PRKCB: variants seen among roughly 807,000 people sequenced by gnomAD.
The protein encoded by PRKCB is protein kinase C beta.
PRKCB carries 13 observed loss-of-function variants against 81.5 expected under a neutral mutation model. That is an observed-to-expected ratio of 0.16 (90% CI 0.10 to 0.25). PRKCB has a LOEUF of 0.25. Ranked by LOEUF, PRKCB falls within the 10% of genes least tolerant of loss-of-function variation. The pLI, the probability that PRKCB is intolerant of heterozygous loss-of-function variation, is 1.00. For synonymous variants in PRKCB, 335 were observed against 321.4 expected, an observed-to-expected ratio of 1.04 and a Z score of -0.45; for missense variants, 509 against 875.7, an observed-to-expected ratio of 0.58 and a Z score of 5.29.
chr16:24,049,504 A>G (rs990038968), intron 5 of PRKCB, among the ~76,000 whole-genome samples: 1 of 139,432 alleles, frequency 7.2e-6, no homozygotes, highest in East Asian at 2.1e-4. Flanking sequence ...GCCCTTAACT[A>G]TTACCCTGGC....
chr16:23,849,625 CATATA>C (rs1286779467), intron 2 of PRKCB, among the ~76,000 whole-genome samples: 19 of 152,022 alleles, frequency 1.2e-4, no homozygotes, highest in African/African-American at 4.3e-4. Context: ...ACAGGATTGA[CATATA>C]GAGTAGAGAA....
intron 13 of PRKCB, 30 bp from the exon 14 acceptor site, chr16:24,185,081 C>A: frequency 6.3e-7 from 1 of 1,591,606 alleles, no homozygotes; most frequent in Non-Finnish European, 8.6e-7. Flanking sequence ...AACTGCAAAC[C>A]TCCCTGATAG....
chr16:24,019,413 G>A (rs1965329894), intron 3 of PRKCB, among the ~76,000 whole-genome samples: 1 of 152,038 alleles, frequency 6.6e-6, no homozygotes, highest in Non-Finnish European at 1.5e-5. Flanking sequence ...ACACACAAAA[G>A]GTACCATGTA....
intron 2 of PRKCB, among the ~76,000 whole-genome samples, chr16:23,863,504 T>C (rs896668725): frequency 1.3e-5 from 2 of 152,114 alleles, no homozygotes; most frequent in Admixed American, 6.6e-5. Flanking sequence ...GTCACAGAGC[T>C]CTTAAGTGGC....
At chr16:23,838,975 G>A (rs922977485) in intron 2 of PRKCB, among the ~76,000 whole-genome samples, 5 of 152,156 alleles carry the variant, frequency 3.3e-5, no homozygotes, top group Non-Finnish European at 7.4e-5. Context: ...TGGTGTCTTG[G>A]CACCGGAATG....
intron 3 of PRKCB, among the ~76,000 whole-genome samples, chr16:24,001,948 C>T (rs1174030099): frequency 6.6e-6 from 1 of 152,174 alleles, no homozygotes; most frequent in Non-Finnish European, 1.5e-5. Flanking sequence ...GATACTTTTC[C>T]ATTTCTGCTT....
intron 3 of PRKCB, among the ~76,000 whole-genome samples, chr16:24,010,655 C>A (rs897184936): frequency 6.6e-6 from 1 of 152,126 alleles, no homozygotes; most frequent in African/African-American, 2.4e-5. Context: ...CTATAGCGCC[C>A]CCTGCTGTCC....
In PRKCB at chr16:24,101,369, G is replaced by A. The variant is rs773559176; in HGVS notation, c.821+7072G>A. On this transcript the variant is annotated intron_variant, in intron 7 of 16. Transcript: ENST00000643927. Reference sequence around the variant, plus strand: ...TAGAGACCAGCTTGGGCAACAATGAGATCCTGTCTCAACAAAAAATTTAGC... The same window carrying A: ...TAGAGACCAGCTTGGGCAACAATGAAATCCTGTCTCAACAAAAAATTTAGC... 2.4e-4 allele frequency among the ~76,000 whole-genome samples: 37 copies of A among 152,152 alleles called. 1 individual carries two copies. Among genetic ancestry groups the A allele is most frequent in the Non-Finnish European group, 4.9e-4 (33 of 68,030 alleles).
chr16:24,143,909 C>T (rs922351308), intron 9 of PRKCB, among the ~76,000 whole-genome samples: 2 of 152,182 alleles, frequency 1.3e-5, no homozygotes, highest in Non-Finnish European at 2.9e-5. Flanking sequence ...GCCTCCTCCT[C>T]CTCCTTTTCT....
At chr16:24,004,338 A>T (rs1302112304) in intron 3 of PRKCB, among the ~76,000 whole-genome samples, 1 of 152,134 alleles carries the variant, frequency 6.6e-6, no homozygotes, top group East Asian at 1.9e-4. Context: ...ATATATAAAA[A>T]TGAAACATGG....
At chr16:24,103,418 T>C (rs1433076296) in intron 7 of PRKCB, among the ~76,000 whole-genome samples, 1 of 152,214 alleles carries the variant, frequency 6.6e-6, no homozygotes, top group East Asian at 1.9e-4. Context: ...ACTTTTCTTT[T>C]TCCCTCCTGT....
intron 10 of PRKCB, among the ~76,000 whole-genome samples, 162 bp downstream of exon 10, chr16:24,155,019 C>T (rs74569287): frequency 0.016 from 2,503 of 152,326 alleles, 29 homozygotes; most frequent in Non-Finnish European, 0.026. Flanking sequence ...TCTGAGGTTG[C>T]TACTGAGAAA....
chr16:23,945,958 T>C (rs980979247), intron 2 of PRKCB, among the ~76,000 whole-genome samples: 1 of 152,192 alleles, frequency 6.6e-6, no homozygotes, highest in African/African-American at 2.4e-5. Context: ...CAACGACTAA[T>C]AGCAATAGAA....
intron 3 of PRKCB, among the ~76,000 whole-genome samples, chr16:24,019,173 C>CT (rs562397722): frequency 0.053 from 7,175 of 134,516 alleles, 259 homozygotes; most frequent in African/African-American, 0.11. Flanking sequence ...TTTTTTTTTT[C>CT]TTTTTTTTTT....
intron 5 of PRKCB, among the ~76,000 whole-genome samples, chr16:24,036,878 A>G (rs999829161): frequency 6.6e-6 from 1 of 152,132 alleles, no homozygotes; most frequent in Non-Finnish European, 1.5e-5. Flanking sequence ...TGTGGGAAAT[A>G]CACTCGTTCC....
At chr16:23,844,658 C>A (rs1962334507) in intron 2 of PRKCB, among the ~76,000 whole-genome samples, 1 of 152,022 alleles carries the variant, frequency 6.6e-6, no homozygotes, top group South Asian at 2.1e-4. Context: ...CAGGCGCCCA[C>A]CACCTCGCCC....
At chr16:24,060,845 C>G (rs955734265) in intron 5 of PRKCB, among the ~76,000 whole-genome samples, 3 of 152,224 alleles carry the variant, frequency 2.0e-5, no homozygotes, top group Non-Finnish European at 4.4e-5. Flanking sequence ...CTGCTTCCCC[C>G]ATTCCTTGCA....
chr16:24,152,491 G>A (rs1967095307), intron 9 of PRKCB, among the ~76,000 whole-genome samples: 1 of 152,158 alleles, frequency 6.6e-6, no homozygotes, highest in African/African-American at 2.4e-5. Flanking sequence ...GGGCTCTGGA[G>A]TTTCTCAGCT....
Position 24,220,017 on chromosome 16 carries a change from A to T in PRKCB, c.*5201A>T, listed in dbSNP as rs767852403. On this transcript the variant is annotated 3_prime_UTR_variant, in exon 17 of 17. Transcript: ENST00000643927. ...AAGAGTTCACCAGACAGCCTGTGGA[A>T]CTGACCCCCACTGATAAACTCTTCA... 6.2e-7 allele frequency: 1 copy of T among 1,614,176 alleles called. No individual in the cohort carries two copies. The highest frequency in any genetic ancestry group is 8.5e-7 in the Non-Finnish European group (1 of 1,180,020).
Sources: gnomAD v4.1 joint callset for allele counts (sites outside exome capture counted in the v4.1 genomes callset) on GRCh38, gnomAD v4.1.1 for gene constraint, MANE v1.5 for transcripts, NCBI Gene and HGNC (gene_info 2026-07-23, HGNC 2026-07-21) for gene names.